Variants in SEPTIN11 observed in about 807,000 individuals in gnomAD.
The protein encoded by SEPTIN11 is septin-11.
In SEPTIN11, 25 loss-of-function variants were observed where a neutral mutation model predicts 51.4. The ratio of observed to expected loss-of-function variants is 0.49; its 90% confidence interval spans 0.35 to 0.68. The LOEUF (loss-of-function observed/expected upper bound fraction) is 0.68. SEPTIN11 is among the 30% of genes least tolerant of loss of function. The pLI, the probability that SEPTIN11 is intolerant of heterozygous loss-of-function variation, is 0.00. For missense variants in SEPTIN11, 381 were observed against 520.8 expected (o/e 0.73, Z 2.61); for synonymous variants, 174 against 184.1 (o/e 0.95, Z 0.44).
intron 1 of SEPTIN11, among the ~76,000 whole-genome samples, chr4:76,976,804 C>T (rs922092935): frequency 5.9e-5 from 9 of 152,158 alleles, no homozygotes; most frequent in African/African-American, 1.9e-4. Context: ...AATTTAACAA[C>T]TAGAGTTTAT....
intron 3 of SEPTIN11, among the ~76,000 whole-genome samples, chr4:77,008,392 T>C (rs2109952005): frequency 1.3e-5 from 2 of 152,346 alleles, no homozygotes; most frequent in East Asian, 1.9e-4. Flanking sequence ...ACCAAATCTT[T>C]ATCAGAGTTA....
intron 1 of SEPTIN11, among the ~76,000 whole-genome samples, chr4:76,989,490 C>A (rs761930993): frequency 7.2e-5 from 11 of 152,192 alleles, no homozygotes; most frequent in Non-Finnish European, 1.6e-4. Flanking sequence ...CCTATCTAAC[C>A]ACATCTACCG....
chr4:76,949,927 G>A lies in SEPTIN11; in HGVS notation c.24G>A (p.Pro8=). The change falls in exon 1 of 10, where the codon CCG becomes CCA. Residue 8 remains proline, a synonymous_variant. Coordinates refer to ENST00000264893, the MANE Select transcript of SEPTIN11 (RefSeq NM_018243.4). MAVAVGR[P]SNEELRNLSL... Reference sequence around the variant, plus strand: ...CGATGGCCGTGGCCGTGGGGAGACCGTCTGTGAGTGCTGGGGCCTCGCCTG... The same window carrying A: ...CGATGGCCGTGGCCGTGGGGAGACCATCTGTGAGTGCTGGGGCCTCGCCTG... 6.6e-7 allele frequency: 1 copy of A among 1,521,974 alleles called. No individual in the cohort carries two copies. The highest frequency in any genetic ancestry group is 8.8e-7 in the Non-Finnish European group (1 of 1,142,208). 94.3% of individuals were successfully genotyped at this position (1,521,974 alleles called of 1,614,324 possible).
chr4:76,991,580 A>AT (rs3835148), intron 1 of SEPTIN11, among the ~76,000 whole-genome samples: 79,597 of 151,994 alleles, frequency 0.52, 21,703 homozygotes, highest in Middle Eastern at 0.62. Flanking sequence ...TTGGGCATAG[A>AT]AACATTTATC....
chr4:76,977,617 AT>A lies in SEPTIN11; in HGVS notation c.28-18800del, dbSNP rs532421322. Among the ~76,000 whole-genome samples, 609 of 151,826 alleles carry A rather than the reference AT, an allele frequency of 4.0e-3. 4 individuals are homozygous for A. The highest frequency in any genetic ancestry group is 0.013 in the African/African-American group (548 of 41,398). ...AATGGAGTTTCATCAGTAAATCAAT[AT>A]TTTTTTTCATTAGTCTAATTTTAAT... On this transcript the variant is annotated intron_variant, in intron 1 of 9. Coordinates refer to ENST00000264893, the MANE Select transcript of SEPTIN11 (RefSeq NM_018243.4).
intron 3 of SEPTIN11, among the ~76,000 whole-genome samples, chr4:77,007,471 T>C (rs1724564488): frequency 2.6e-5 from 4 of 152,334 alleles, no homozygotes; most frequent in Admixed American, 2.6e-4. Context: ...GCCACAGTGC[T>C]GCCACTCAAT....
chr4:76,958,872 T>C, intron 1 of SEPTIN11: 2 of 1,494,416 alleles, frequency 1.3e-6, no homozygotes, highest in Admixed American at 3.4e-5. Context: ...TAATTCATTA[T>C]GGTGGCTTCA....
At chr4:77,018,209 C>G (rs113205548) in intron 5 of SEPTIN11, among the ~76,000 whole-genome samples, 2,586 of 151,970 alleles carry the variant, frequency 0.017, 46 homozygotes, top group African/African-American at 0.047. Context: ...CCAGCACTTT[C>G]GGAGGCCAAG....
Position 76,982,356 on chromosome 4 carries a change from G to T in SEPTIN11, c.28-14069G>T, listed in dbSNP as rs1441711084. Among the ~76,000 whole-genome samples the T allele has an allele frequency of 2.6e-5, 4 of 152,024 alleles. No individual in the cohort carries two copies. In the East Asian group the frequency reaches 7.8e-4, roughly 29 times the overall value. On this transcript the variant is annotated intron_variant, in intron 1 of 9. Coordinates refer to ENST00000264893, the MANE Select transcript of SEPTIN11 (RefSeq NM_018243.4). ...CTCCTTAGTAGCTGGGATTACAGGC[G>T]GGTGCCACCATGCCTGGCTAATTTT...
At chr4:77,015,680 A>C (rs569364174) in intron 5 of SEPTIN11, among the ~76,000 whole-genome samples, 25 of 152,306 alleles carry the variant, frequency 1.6e-4, no homozygotes, top group African/African-American at 5.1e-4. Context: ...TTGGGAATGC[A>C]TAACATCCAT....
intron 1 of SEPTIN11, among the ~76,000 whole-genome samples, chr4:76,971,893 T>C (rs749590689): frequency 2.0e-5 from 3 of 152,214 alleles, no homozygotes; most frequent in Non-Finnish European, 2.9e-5. Context: ...CCCATACAGC[T>C]CTGCATTGTC....
chr4:76,962,089 G>A (rs1484489733), intron 1 of SEPTIN11, among the ~76,000 whole-genome samples: 2 of 152,084 alleles, frequency 1.3e-5, no homozygotes, highest in Admixed American at 6.6e-5. Flanking sequence ...GCAAAAAGTT[G>A]GAGCAAAAAT....
chr4:76,990,393 A>T (rs1723305317), intron 1 of SEPTIN11, among the ~76,000 whole-genome samples: 1 of 152,158 alleles, frequency 6.6e-6, no homozygotes, highest in African/African-American at 2.4e-5. Context: ...AGCTGGCTTC[A>T]CGTCTCACAA....
chr4:76,993,372 T>A, intron 1 of SEPTIN11, among the ~76,000 whole-genome samples: 1 of 152,040 alleles, frequency 6.6e-6, no homozygotes, highest in Admixed American at 6.5e-5. Flanking sequence ...AGAGATAAAT[T>A]CAGAGAGTCG....
chr4:76,987,949 C>G, intron 1 of SEPTIN11: 1 of 336,136 alleles, frequency 3.0e-6, no homozygotes, highest in Non-Finnish European at 4.2e-6. Context: ...CTGTACATGT[C>G]TCCTCTGCCC....
Position 77,035,454 on chromosome 4 carries a change from A to G in SEPTIN11, c.*942A>G, listed in dbSNP as rs1726962064. On this transcript the variant is annotated 3_prime_UTR_variant, in exon 10 of 10. Coordinates refer to ENST00000264893, the MANE Select transcript of SEPTIN11 (RefSeq NM_018243.4). The stretch of plus-strand genomic sequence containing the variant: ...TAACATTTTTCATGAATCATGAGAA[A>G]ATTTCCACAGATACTTCCCTTAGAA... The G allele has an allele frequency of 1.0e-6, 1 of 985,440 alleles. No individual in the cohort carries two copies. Among genetic ancestry groups the G allele is most frequent in the Non-Finnish European group, 1.2e-6 (1 of 829,916 alleles). 61.0% of individuals were successfully genotyped at this position (985,440 alleles called of 1,614,324 possible). A position where few individuals can be genotyped will look rare whatever the true frequency, so the allele number is the denominator to read the frequency against.
intron 1 of SEPTIN11, among the ~76,000 whole-genome samples, chr4:76,962,349 TA>T (rs1721857541): frequency 6.6e-6 from 1 of 152,252 alleles, no homozygotes; most frequent in South Asian, 2.1e-4. Flanking sequence ...ACTAGCGTTT[TA>T]AAAATCTCAA....
chr4:76,981,190 C>T (rs1275824193), intron 1 of SEPTIN11, among the ~76,000 whole-genome samples: 2 of 152,154 alleles, frequency 1.3e-5, no homozygotes, highest in African/African-American at 4.8e-5. Context: ...TTGTTGTATG[C>T]AGTTGCATTT....
At chr4:76,992,940 G>A (rs1874563) in intron 1 of SEPTIN11, among the ~76,000 whole-genome samples, 79,680 of 151,996 alleles carry the variant, frequency 0.52, 21,750 homozygotes, top group Middle Eastern at 0.62. Flanking sequence ...GAAGTGGGAG[G>A]TTCAGTAGGA....
Sources: gnomAD v4.1 joint callset for allele counts (sites outside exome capture counted in the v4.1 genomes callset) on GRCh38, gnomAD v4.1.1 for gene constraint, MANE v1.5 for transcripts, NCBI Gene and HGNC (gene_info 2026-07-23, HGNC 2026-07-21) for gene names.